The following SOX5 variants were observed in gnomAD, a reference collection of about 807,000 sequenced individuals.
SOX5 encodes transcription factor SOX-5.
A neutral mutation model predicts 92.0 loss-of-function variants in SOX5; 9 were observed. The observed-to-expected ratio is 0.10, with a 90% CI of 0.06 to 0.17. The LOEUF is 0.17. Ranked by LOEUF, SOX5 falls within the 10% of genes least tolerant of loss-of-function variation. SOX5 has a pLI of 1.00. For synonymous variants in SOX5, 344 were observed against 336.3 expected, an observed-to-expected ratio of 1.02 and a Z score of -0.25; for missense variants, 642 against 944.5, an observed-to-expected ratio of 0.68 and a Z score of 4.20.
At position 23,619,103 on chromosome 12, in the gene SOX5, T is replaced by TA. The variant is rs1397123542; in HGVS notation, c.1018-14571dup. Among the ~76,000 whole-genome samples the TA allele has an allele frequency of 3.3e-5, 5 of 152,246 alleles. No individual in the cohort carries two copies. In the East Asian group the frequency reaches 9.7e-4, roughly 29 times the overall value. On this transcript the variant is annotated intron_variant, in intron 8 of 14. Coordinates refer to ENST00000451604, the MANE Select transcript of SOX5 (RefSeq NM_006940.6). ...AACAAACAACACATATGAGAGGTTT[T>TA]AAAAAAGGACTGCTTCCTACGGATT...
intron 3 of SOX5, among the ~76,000 whole-genome samples, chr12:23,776,658 T>G (rs531033782): frequency 6.6e-6 from 1 of 152,146 alleles, no homozygotes; most frequent in South Asian, 2.1e-4. Context: ...AGGATAATTT[T>G]GGGATTAAAT....
intron 1 of SOX5, among the ~76,000 whole-genome samples, chr12:24,375,597 A>G (rs1292366165): frequency 2.6e-5 from 4 of 151,834 alleles, no homozygotes; most frequent in African/African-American, 9.7e-5. Context: ...TTAGCTGGGC[A>G]TGGTGGTGGG....
intron 6 of SOX5, among the ~76,000 whole-genome samples, chr12:23,710,820 T>A (rs1022522089): frequency 1.3e-5 from 2 of 152,324 alleles, no homozygotes; most frequent in East Asian, 1.9e-4. Context: ...CGCCACACTG[T>A]CTTCCACAAT....
intron 4 of SOX5, among the ~76,000 whole-genome samples, chr12:24,118,601 C>A (rs991016531): frequency 2.0e-5 from 3 of 151,982 alleles, no homozygotes; most frequent in Non-Finnish European, 4.4e-5. Context: ...TAGGAAATCT[C>A]TATTCATCAG....
At chr12:23,966,735 A>T (rs1247077035) in intron 4 of SOX5, among the ~76,000 whole-genome samples, 1 of 152,210 alleles carries the variant, frequency 6.6e-6, no homozygotes, top group Non-Finnish European at 1.5e-5. Context: ...ACTGGGGATA[A>T]CAATACTTAT....
At position 23,787,004 on chromosome 12, in the gene SOX5, CA is replaced by C. The variant is rs563243608; in HGVS notation, c.482-31281del. On this transcript the variant is annotated intron_variant, in intron 3 of 14. Transcript: ENST00000451604. Reference sequence around the variant, plus strand: ...CCCACATAGTTGCTGTAAGCCAGAACAAAAAAGGTCAGAGGAGATTATTTTC... The same window carrying C: ...CCCACATAGTTGCTGTAAGCCAGAACAAAAAGGTCAGAGGAGATTATTTTC... Among the ~76,000 whole-genome samples the C allele has an allele frequency of 9.0e-4, 131 of 144,906 alleles. 16 individuals carry two copies. The highest frequency in any genetic ancestry group is 3.2e-3 in the African/African-American group (125 of 39,198).
intron 4 of SOX5, among the ~76,000 whole-genome samples, chr12:23,742,521 T>C (rs2093834326): frequency 6.6e-6 from 1 of 152,178 alleles, no homozygotes; most frequent in African/African-American, 2.4e-5. Flanking sequence ...AATATAAATA[T>C]ATCTTGGGAA....
chr12:24,500,649 A>G (rs1418929920), intron 1 of SOX5, among the ~76,000 whole-genome samples: 1 of 152,174 alleles, frequency 6.6e-6, no homozygotes, highest in Non-Finnish European at 1.5e-5. Context: ...TTACTTTCCC[A>G]ACATTGAAGA....
intron 1 of SOX5, among the ~76,000 whole-genome samples, chr12:23,907,994 C>A (rs1013757244): frequency 1.3e-5 from 2 of 152,060 alleles, no homozygotes; most frequent in Non-Finnish European, 2.9e-5. Context: ...TGTTAAAGTG[C>A]CCATCCCCAC....
intron 4 of SOX5, among the ~76,000 whole-genome samples, chr12:24,048,169 C>T (rs1957230537): frequency 6.6e-6 from 1 of 152,166 alleles, no homozygotes; most frequent in African/African-American, 2.4e-5. Context: ...TGCACACAAA[C>T]TCCAGGCAAA....
intron 13 of SOX5, among the ~76,000 whole-genome samples, chr12:23,541,078 T>A (rs1250281923): frequency 2.0e-5 from 3 of 152,228 alleles, no homozygotes; most frequent in African/African-American, 4.8e-5. Context: ...TCAGAAAGAC[T>A]GAAATTAGGC....
chr12:23,731,633 C>T (rs1385662907), intron 6 of SOX5, among the ~76,000 whole-genome samples: 1 of 152,114 alleles, frequency 6.6e-6, no homozygotes, highest in Non-Finnish European at 1.5e-5. Flanking sequence ...TCTTTCCTGT[C>T]ATGTAACATA....
chr12:23,546,403 G>T lies in SOX5; in HGVS notation c.1510C>A (p.Leu504Met). ...TEKEKTTLESLTQQLAVKQNE... is the reference protein window; with the variant it reads ...TEKEKTTLESMTQQLAVKQNE... ...TGTTTAACTGCCAGTTGCTGAGTCA[G>T]ACTCTCCAGTGTTGTTTTTTCCTTT... is the stretch of plus-strand genomic sequence containing the variant. The change falls in exon 12 of 15, where the codon CTG becomes ATG. Residue 504 changes from leucine (L) to methionine (M), a missense_variant. This residue lies in a region of SOX5 where 324 missense variants were observed against 461.6 expected (regional missense o/e 0.70). Transcript: ENST00000451604. 1.2e-6 allele frequency: 2 copies of T among 1,604,532 alleles called. No homozygotes were observed. The highest frequency in any genetic ancestry group is 1.7e-6 in the Non-Finnish European group (2 of 1,171,780).
intron 4 of SOX5, among the ~76,000 whole-genome samples, chr12:24,191,085 G>A (rs942188044): frequency 7.9e-5 from 12 of 152,140 alleles, no homozygotes; most frequent in South Asian, 6.2e-4. Context: ...GACTAAAGGC[G>A]TGCACCACCG....
intron 1 of SOX5, among the ~76,000 whole-genome samples, chr12:24,438,306 A>T (rs1276657432): frequency 6.6e-6 from 1 of 152,170 alleles, no homozygotes; most frequent in Non-Finnish European, 1.5e-5. Context: ...AGGGAGGGAT[A>T]GCGTTAGGAG....
chr12:23,760,000 C>T (rs1278029663), intron 3 of SOX5, among the ~76,000 whole-genome samples: 1 of 151,844 alleles, frequency 6.6e-6, no homozygotes, highest in African/African-American at 2.4e-5. Flanking sequence ...CTTCTATTTT[C>T]ATTTTAAGAT....
intron 4 of SOX5, among the ~76,000 whole-genome samples, chr12:23,995,202 C>T (rs1950922276): frequency 6.6e-6 from 1 of 152,112 alleles, no homozygotes; most frequent in Non-Finnish European, 1.5e-5. Flanking sequence ...TTATTAGTCA[C>T]ATAGTAAATG....
chr12:24,521,981 G>GA (rs945026196), intron 1 of SOX5, among the ~76,000 whole-genome samples: 49 of 148,488 alleles, frequency 3.3e-4, no homozygotes, highest in South Asian at 6.4e-4. Context: ...CCATAAAATA[G>GA]AAAAAAAAAT....
intron 1 of SOX5, among the ~76,000 whole-genome samples, chr12:23,900,603 G>A (rs1015986813): frequency 2.6e-5 from 4 of 152,072 alleles, no homozygotes; most frequent in Non-Finnish European, 5.9e-5. Context: ...GAGGGTGACC[G>A]GGTATCAGAA....
Sources: allele counts gnomAD v4.1 joint callset (sites outside exome capture counted in the v4.1 genomes callset), GRCh38; gene constraint gnomAD v4.1.1; regional missense constraint gnomAD v4.1.1; transcripts MANE v1.5; gene names NCBI Gene and HGNC (gene_info 2026-07-23, HGNC 2026-07-21).